Variants in GSG1L observed in about 807,000 individuals in gnomAD.
The protein encoded by GSG1L is GSG1 like.
Under a neutral mutation model 42.1 loss-of-function variants are expected in GSG1L, and 24 were observed. The observed-to-expected ratio is 0.57, with a 90% CI of 0.41 to 0.80. The LOEUF (loss-of-function observed/expected upper bound fraction) is 0.80. Ranked by LOEUF, GSG1L falls within the 30% of genes least tolerant of loss-of-function variation. The pLI is 0.00. For synonymous variants in GSG1L, 215 were observed against 203.5 expected (o/e 1.06, Z -0.48); for missense variants, 445 against 472.2 (o/e 0.94, Z 0.53).
At chr16:28,023,545 C>A (rs928834629) in intron 1 of GSG1L, among the ~76,000 whole-genome samples, 4 of 152,210 alleles carry the variant, frequency 2.6e-5, no homozygotes, top group African/African-American at 4.8e-5. Flanking sequence ...CCATTGTGGT[C>A]GGGCCAGTTC....
In GSG1L at chr16:28,057,424, A is replaced by C. The variant is rs573667938; in HGVS notation, c.349+5652T>G. Reference sequence around the variant, plus strand: ...GCAATTCGTGTAAACTGAGGGCAGAACTGGTTGGTGGGGGGGCACCGTGGA... The same window carrying C: ...GCAATTCGTGTAAACTGAGGGCAGACCTGGTTGGTGGGGGGGCACCGTGGA... On this transcript the variant is annotated intron_variant, in intron 1 of 6. Transcript: ENST00000447459. Among the ~76,000 whole-genome samples the C allele has an allele frequency of 3.9e-5, 6 of 152,222 alleles. 1 individual carries two copies. Among genetic ancestry groups the C allele is most frequent in the Admixed American group, 3.9e-4 (6 of 15,302 alleles).
chr16:27,891,870 C>T (rs896735065), intron 2 of GSG1L, among the ~76,000 whole-genome samples: 2 of 140,202 alleles, frequency 1.4e-5, no homozygotes, highest in Non-Finnish European at 3.1e-5. Context: ...CTGCAGGTAC[C>T]GTCAGTGACA....
chr16:27,918,444 G>C (rs8059169), intron 2 of GSG1L, among the ~76,000 whole-genome samples: 9,184 of 152,168 alleles, frequency 0.06, 321 homozygotes, highest in African/African-American at 0.072. Context: ...GATCATTTGA[G>C]GTCAGGAGCT....
At chr16:27,807,592 G>A (rs1244052898) in intron 5 of GSG1L, 38 bp from the exon 6 acceptor site, 2 of 1,563,560 alleles carry the variant, frequency 1.3e-6, no homozygotes, top group Non-Finnish European at 1.7e-6. Flanking sequence ...ATCCTAGGTA[G>A]GAAAGAGAAG....
rs765760564 is a variant in GSG1L at position 27,950,155 on chromosome 16, A to G, written c.397+13001T>C. ...TACAAATTGTGAGCCTTCGAGTTAT[A>G]TTATCATTTCTCATAGCAAAGCATG... is the stretch of plus-strand genomic sequence containing the variant. On this transcript the variant is annotated intron_variant, in intron 2 of 6. Coordinates refer to ENST00000447459, the MANE Select transcript of GSG1L (RefSeq NM_001109763.2). 1.2e-4 allele frequency among the ~76,000 whole-genome samples: 19 copies of G among 152,304 alleles called. No individual in the cohort carries two copies. In the Middle Eastern group the frequency reaches 0.01, roughly 82 times the overall value.
chr16:28,042,963 T>C (rs1157534476), intron 1 of GSG1L, among the ~76,000 whole-genome samples: 1 of 151,920 alleles, frequency 6.6e-6, no homozygotes, highest in African/African-American at 2.4e-5. Flanking sequence ...AGAGCGAAAA[T>C]ACACATTTGA....
chr16:27,931,165 T>G (rs1255743890), intron 2 of GSG1L, among the ~76,000 whole-genome samples: 1 of 152,210 alleles, frequency 6.6e-6, no homozygotes, highest in Non-Finnish European at 1.5e-5. Context: ...GCTTCTTCAC[T>G]CGGGCTCTTC....
At chr16:28,011,487 G>A (rs1025101356) in intron 1 of GSG1L, among the ~76,000 whole-genome samples, 1 of 152,336 alleles carries the variant, frequency 6.6e-6, no homozygotes, top group Non-Finnish European at 1.5e-5. Flanking sequence ...GGGCCCATCC[G>A]AAAGAGGCAG....
Position 27,995,236 on chromosome 16 carries a change from G to A in GSG1L, c.350-32033C>T, listed in dbSNP as rs375966265. On this transcript the variant is annotated intron_variant, in intron 1 of 6. Transcript: ENST00000447459. ...GCACGTTCAAGTGTAAAGGCAGCAG[G>A]CAGACATTCTCAGACACGAACGCCC... Among the ~76,000 whole-genome samples, 5 of 152,208 alleles carry A rather than the reference G, an allele frequency of 3.3e-5. No individual in the cohort carries two copies. The East Asian group carries it at 9.6e-4, about 29-fold the overall frequency.
At chr16:27,979,778 G>GA in intron 1 of GSG1L, among the ~76,000 whole-genome samples, 1 of 119,976 alleles carries the variant, frequency 8.3e-6, no homozygotes, top group Non-Finnish European at 1.7e-5. Context: ...AGGAAAGAAA[G>GA]AAAGAAAAAG....
chr16:27,812,576 C>T (rs1379697074), intron 5 of GSG1L, among the ~76,000 whole-genome samples: 1 of 152,134 alleles, frequency 6.6e-6, no homozygotes, highest in East Asian at 1.9e-4. Context: ...TGGTTCTCAG[C>T]TTGGCTGCAC....
At chr16:27,911,653 T>G (rs1410324482) in intron 2 of GSG1L, among the ~76,000 whole-genome samples, 1 of 152,134 alleles carries the variant, frequency 6.6e-6, no homozygotes, top group African/African-American at 2.4e-5. Context: ...GCTGTTCTGC[T>G]GTTTGGAACC....
rs965884691 is a variant in GSG1L, at chr16:27,941,098, G to C, written c.397+22058C>G. On this transcript the variant is annotated intron_variant, in intron 2 of 6. Coordinates refer to ENST00000447459, the MANE Select transcript of GSG1L (RefSeq NM_001109763.2). ...CTTCATGACATTGGATTTGGCAACA[G>C]TTCCTTGGGTATAAAACCAAAAGCA... Among the ~76,000 whole-genome samples, 17 of 152,162 alleles carry C rather than the reference G, an allele frequency of 1.1e-4. No homozygotes were observed. In the South Asian group the frequency reaches 3.5e-3, roughly 32 times the overall value.
chr16:27,857,219 G>A (rs1481762390), intron 3 of GSG1L, among the ~76,000 whole-genome samples: 1 of 152,154 alleles, frequency 6.6e-6, no homozygotes, highest in Non-Finnish European at 1.5e-5. Context: ...TTGAGGCCAA[G>A]AGTTTGAGAT....
At chr16:27,977,307 G>A (rs2085261523) in intron 1 of GSG1L, among the ~76,000 whole-genome samples, 1 of 152,168 alleles carries the variant, frequency 6.6e-6, no homozygotes, top group Non-Finnish European at 1.5e-5. Context: ...CAGGACAGGC[G>A]CGGTAGCTCA....
intron 1 of GSG1L, among the ~76,000 whole-genome samples, chr16:27,980,244 C>G (rs2085310824): frequency 6.6e-6 from 1 of 152,102 alleles, no homozygotes; most frequent in Non-Finnish European, 1.5e-5. Context: ...TGGTTGGCAG[C>G]AGAGATGTGG....
At chr16:27,991,269 G>A (rs569342369) in intron 1 of GSG1L, among the ~76,000 whole-genome samples, 1 of 152,132 alleles carries the variant, frequency 6.6e-6, no homozygotes, top group East Asian at 1.9e-4. Context: ...GGAGAACTGG[G>A]TTTTAATTTT....
chr16:27,890,967 G>T (rs556972568), intron 2 of GSG1L, among the ~76,000 whole-genome samples: 6 of 152,156 alleles, frequency 3.9e-5, no homozygotes, highest in Admixed American at 6.5e-5. Flanking sequence ...GCCTGCCCAC[G>T]GCCCTTGGGG....
chr16:28,038,655 C>T lies in GSG1L; in HGVS notation c.349+24421G>A, dbSNP rs984367753. Among the ~76,000 whole-genome samples the T allele has an allele frequency of 7.2e-5, 11 of 152,198 alleles. 1 individual carries two copies. The highest frequency in any genetic ancestry group is 5.9e-4 in the Admixed American group (9 of 15,278). ...CACAGATTACCGTAACCTCAAGCAT[C>T]GCCATCCGTCCTCCTGGCGATACCC... On this transcript the variant is annotated intron_variant, in intron 1 of 6. Transcript: ENST00000447459.
Sources: allele counts gnomAD v4.1 joint callset (sites outside exome capture counted in the v4.1 genomes callset), GRCh38; gene constraint gnomAD v4.1.1; transcripts MANE v1.5; gene names NCBI Gene and HGNC (gene_info 2026-07-23, HGNC 2026-07-21).